SLC30A10: variants seen among roughly 807,000 people sequenced by gnomAD.
SLC30A10 encodes the protein calcium/manganese antiporter SLC30A10.
Under a neutral mutation model 21.7 loss-of-function variants are expected in SLC30A10, and 8 were observed. That is an observed-to-expected ratio of 0.37 (90% CI 0.22 to 0.67). The LOEUF (loss-of-function observed/expected upper bound fraction) is 0.67, where lower values mean the gene tolerates loss of function less well. Ranked by LOEUF, SLC30A10 falls within the 30% of genes least tolerant of loss-of-function variation. The pLI is 0.58. For synonymous variants in SLC30A10, 272 were observed against 279.4 expected, an observed-to-expected ratio of 0.97 and a Z score of 0.26; for missense variants, 521 against 642.5, an observed-to-expected ratio of 0.81 and a Z score of 2.04.
intron 1 of SLC30A10, among the ~76,000 whole-genome samples, chr1:219,956,663 TAA>T (rs34477686): frequency 5.9e-4 from 80 of 136,406 alleles, no homozygotes; most frequent in Middle Eastern, 3.9e-3. Context: ...AAATAAAAAT[TAA>T]AAAAAAAAAA....
intron 1 of SLC30A10, among the ~76,000 whole-genome samples, chr1:219,954,097 T>C (rs1478195480): frequency 6.6e-6 from 1 of 151,968 alleles, no homozygotes; most frequent in Non-Finnish European, 1.5e-5. Flanking sequence ...TTGCCTACTC[T>C]GCTTGTCACT....
intron 1 of SLC30A10, among the ~76,000 whole-genome samples, chr1:219,950,789 A>C (rs1660256481): frequency 6.9e-6 from 1 of 144,936 alleles, no homozygotes; most frequent in African/African-American, 2.6e-5. Context: ...TCTACTAAAA[A>C]ACACAAAAAT....
At chr1:219,939,124 C>G (rs549468171) in intron 1 of SLC30A10, among the ~76,000 whole-genome samples, 16 of 152,028 alleles carry the variant, frequency 1.1e-4, no homozygotes, top group African/African-American at 3.9e-4. Flanking sequence ...TAGAAAGATA[C>G]AAAAAAGAAA....
chr1:219,940,152 C>CT (rs1660102221), intron 1 of SLC30A10, among the ~76,000 whole-genome samples: 1 of 152,214 alleles, frequency 6.6e-6, no homozygotes, highest in Non-Finnish European at 1.5e-5. Flanking sequence ...AATGGAGCTT[C>CT]TACCTTGTTT....
At chr1:219,925,404 C>A (rs552966099) in intron 2 of SLC30A10, among the ~76,000 whole-genome samples, 3 of 150,968 alleles carry the variant, frequency 2.0e-5, no homozygotes, top group African/African-American at 7.3e-5. Flanking sequence ...CGTGGTGGTG[C>A]GCACCTGTAA....
At chr1:219,943,584 T>A (rs1362230302) in intron 1 of SLC30A10, among the ~76,000 whole-genome samples, 1 of 151,974 alleles carries the variant, frequency 6.6e-6, no homozygotes, top group Non-Finnish European at 1.5e-5. Context: ...GCCAGGAAAA[T>A]TTTAACCTGA....
chr1:219,932,139 T>C (rs904615081), upstream of SLC30A10, among the ~76,000 whole-genome samples: 3 of 151,404 alleles, frequency 2.0e-5, no homozygotes, highest in Admixed American at 6.6e-5. Context: ...TCTCAGCTCA[T>C]TGCACACTCC....
At position 219,928,139 on chromosome 1, in the gene SLC30A10, A is replaced by T; in HGVS notation, c.302T>A (p.Val101Glu). 1 of 1,562,514 alleles carries T rather than the reference A, an allele frequency of 6.4e-7. No individual in the cohort carries two copies. The highest frequency in any genetic ancestry group is 8.7e-7 in the Non-Finnish European group (1 of 1,153,896). Residue 101 changes from valine (V) to glutamate (E), a missense_variant, in exon 1 of 4, where the codon GTG (valine) becomes GAG (glutamate). Coordinates refer to ENST00000366926, the MANE Select transcript of SLC30A10 (RefSeq NM_018713.3). This position sits in a 1 kb window ranked among gnomAD's most constrained non-coding sequence, Gnocchi z 6.3. ...GCGCTCGGGCCGGGCCAGGCGCAGC[A>T]CGGCCTCCACGAAGATGGTGAAGCA... The part of the protein sequence containing the change: ...ALCFTIFVEA[V>E]LRLARPERID...
chr1:219,931,825 T>C (rs1395251597), upstream of SLC30A10, among the ~76,000 whole-genome samples: 1 of 152,194 alleles, frequency 6.6e-6, no homozygotes, highest in Admixed American at 6.5e-5. Flanking sequence ...AAATAGCTTT[T>C]GTTTATTGAT....
chr1:219,917,694 CT>C lies in SLC30A10; in HGVS notation c.958+560del, dbSNP rs1162926332. Among the ~76,000 whole-genome samples the C allele has an allele frequency of 5.2e-5, 7 of 133,786 alleles. 1 individual carries two copies. The highest frequency in any genetic ancestry group is 8.0e-5 in the Non-Finnish European group (5 of 62,856). 87.8% of individuals were successfully genotyped at this position (133,786 alleles called of 152,430 possible). A position where few individuals can be genotyped will look rare whatever the true frequency, so the allele number is the denominator to read the frequency against. On this transcript the variant is annotated intron_variant, in intron 3 of 3. Coordinates refer to ENST00000366926, the MANE Select transcript of SLC30A10 (RefSeq NM_018713.3). ...TATTATCCAAGCATTGCATTCTTTT[CT>C]TTTTTTTCTTTCCTTTTTTTTTTTT...
At chr1:219,926,988 CA>C in intron 2 of SLC30A10, 39 bp downstream of exon 2, 1 of 1,484,800 alleles carries the variant, frequency 6.7e-7, no homozygotes, top group Non-Finnish European at 9.4e-7. Flanking sequence ...CCATGTGTGT[CA>C]TAGAAAGGGA....
upstream of SLC30A10, among the ~76,000 whole-genome samples, chr1:219,932,503 G>A (rs2102538677): frequency 6.6e-6 from 1 of 151,988 alleles, no homozygotes; most frequent in South Asian, 2.1e-4. Flanking sequence ...CATTGCCTTT[G>A]GAGAAGAGAA....
chr1:219,954,070 T>A (rs112471277), intron 1 of SLC30A10, among the ~76,000 whole-genome samples: 1 of 151,918 alleles, frequency 6.6e-6, no homozygotes, highest in African/African-American at 2.4e-5. Flanking sequence ...CCTTTGCCTC[T>A]CCTAAAATTC....
At chr1:219,935,351 G>GA (rs1660031929) in intron 1 of SLC30A10, among the ~76,000 whole-genome samples, 1 of 152,104 alleles carries the variant, frequency 6.6e-6, no homozygotes, top group Non-Finnish European at 1.5e-5. Context: ...ATATGAACAT[G>GA]AAAAAAGCCT....
chr1:219,917,707 C>CTTTTTT (rs1659576707), intron 3 of SLC30A10, among the ~76,000 whole-genome samples: 1 of 120,598 alleles, frequency 8.3e-6, no homozygotes, highest in South Asian at 2.6e-4. Context: ...TTTTTTCTTT[C>CTTTTTT]CTTTTTTTTT....
At chr1:219,921,855 T>C (rs921367270) in intron 2 of SLC30A10, among the ~76,000 whole-genome samples, 1 of 149,990 alleles carries the variant, frequency 6.7e-6, no homozygotes, top group Non-Finnish European at 1.5e-5. Context: ...CTGGCAAAAT[T>C]CTGTGGGGTG....
In SLC30A10 at chr1:219,939,899, G is replaced by A. The variant is rs148353973; in HGVS notation, n.81-12794C>T. ...ACTGAGATTTTAGGGATCTTAGGGA[G>A]GAGTGAGAGTCTTTTGCATGTGGAA... On this transcript the variant is annotated intron_variant and non_coding_transcript_variant, in intron 1 of 8. Transcript: ENST00000484239. Among the ~76,000 whole-genome samples the A allele has an allele frequency of 2.1e-3, 320 of 152,354 alleles. 1 individual carries two copies. The highest frequency in any genetic ancestry group is 7.1e-3 in the African/African-American group (295 of 41,574).
chr1:219,926,399 G>A (rs1659825979), intron 2 of SLC30A10, among the ~76,000 whole-genome samples: 1 of 152,172 alleles, frequency 6.6e-6, no homozygotes, highest in African/African-American at 2.4e-5. Context: ...AAGTTGGAAG[G>A]GAGAGATGTT....
intron 1 of SLC30A10, among the ~76,000 whole-genome samples, chr1:219,950,519 G>A (rs1473024512): frequency 6.7e-6 from 1 of 148,424 alleles, no homozygotes; most frequent in East Asian, 2.0e-4. Context: ...GGTGCCTGTA[G>A]TCCCAGCTAC....
Sources: allele counts gnomAD v4.1 joint callset (sites outside exome capture counted in the v4.1 genomes callset), GRCh38; gene constraint gnomAD v4.1.1; non-coding constraint Gnocchi (gnomAD v3.1); transcripts MANE v1.5; gene names NCBI Gene and HGNC (gene_info 2026-07-23, HGNC 2026-07-21).